The following AP5Z1 variants were observed in gnomAD, a reference collection of about 807,000 sequenced individuals.
AP5Z1 encodes adaptor related protein complex 5 subunit zeta 1.
AP5Z1 carries 106 observed loss-of-function variants against 83.0 expected under a neutral mutation model. The ratio of observed to expected loss-of-function variants is 1.28; its 90% CI spans 1.09 to 1.50. AP5Z1 has a LOEUF of 1.50. Ranked by LOEUF, AP5Z1 falls within the 40% of genes most tolerant of loss-of-function variation. The pLI, the probability that AP5Z1 is intolerant of heterozygous loss-of-function variation, is 0.00. For missense variants in AP5Z1, 1,565 were observed against 1,094.2 expected, an observed-to-expected ratio of 1.43 and a Z score of -6.07; for synonymous variants, 751 against 514.1, an observed-to-expected ratio of 1.46 and a Z score of -6.23.
chr7:4,783,196 C>T, intron 3 of AP5Z1, 120 bp from the exon 4 acceptor site: 3 of 1,418,134 alleles, frequency 2.1e-6, no homozygotes, highest in African/African-American at 1.4e-5. Context: ...TCCCTGCCAC[C>T]TGCTAGGCCG....
At chr7:4,789,266 TCCATCCAACTGCCCCAGCAGGCC>T (rs1452933044) in intron 13 of AP5Z1, among the ~76,000 whole-genome samples, 15 of 149,674 alleles carry the variant, frequency 1.0e-4, no homozygotes, top group Non-Finnish European at 1.6e-4. Flanking sequence ...CCCAGCAGGC[TCCATCCAACTGCCCCAGCAGGCC>T]CTGTCTTCCG....
chr7:4,785,490 T>C (rs773202213), intron 8 of AP5Z1, 32 bp from the exon 9 acceptor site: 81 of 1,613,142 alleles, frequency 5.0e-5, no homozygotes, highest in Non-Finnish European at 6.4e-5. Flanking sequence ...AGGCAGCGAC[T>C]CGGCCCATTT....
chr7:4,782,706 G>C lies in AP5Z1; in HGVS notation c.367-610G>C, dbSNP rs569153185. The stretch of plus-strand genomic sequence containing the variant: ...CCTCCGAGATGACCCCGGTAATGCT[G>C]TGGTAGCTCCTGGCCTTTGGAACAA... On this transcript the variant is annotated intron_variant, in intron 3 of 16. Coordinates refer to ENST00000649063, the MANE Select transcript of AP5Z1 (RefSeq NM_014855.3). Among the ~76,000 whole-genome samples the C allele has an allele frequency of 7.6e-4, 116 of 152,226 alleles. 6 individuals carry two copies. The South Asian group carries it at 0.022, about 29-fold the overall frequency.
intron 12 of AP5Z1, 85 bp downstream of exon 12, chr7:4,788,379 A>AG: frequency 7.0e-7 from 1 of 1,422,094 alleles, no homozygotes; most frequent in Non-Finnish European, 9.3e-7. Context: ...GCTCAGCCCT[A>AG]GGCTGAGGCC....
intron 3 of AP5Z1, 61 bp downstream of exon 3, chr7:4,781,815 G>T: frequency 6.9e-7 from 1 of 1,458,700 alleles, no homozygotes; most frequent in Non-Finnish European, 9.1e-7. Flanking sequence ...GAACAGGGGA[G>T]ACAGGAAGCA....
Position 4,775,713 on chromosome 7 carries a change from G to T in AP5Z1, c.-3G>T. The stretch of plus-strand genomic sequence containing the variant: ...TTCGTGCGCGTCTGGTGGCGGCGGC[G>T]TGATGTTCTCGGCAGGAGCGGAGAG... On this transcript the variant is annotated 5_prime_UTR_variant, in exon 1 of 17. Transcript: ENST00000649063. The T allele has an allele frequency of 6.2e-7, 1 of 1,607,040 alleles. No individual in the cohort carries two copies.
Position 4,786,374 on chromosome 7 carries a change from C to T in AP5Z1, c.1257C>T (p.His419=), listed in dbSNP as rs374726107. The T allele has an allele frequency of 6.2e-7, 1 of 1,613,976 alleles. No individual in the cohort carries two copies. The highest frequency in any genetic ancestry group is 8.5e-7 in the Non-Finnish European group (1 of 1,179,872). The change falls in exon 10 of 17, where the codon CAC becomes CAT. Residue 419 remains histidine, a synonymous_variant. Transcript: ENST00000649063. ...TCCAGTTCTGCAGGGACAACCTCCA[C>T]CTGTTCAGCGGGCACCTCAGCACCC... The part of the protein sequence containing the change: ...EFIQFCRDNL[H]LFSGHLSTLR...
chr7:4,785,551 C>T lies in AP5Z1; in HGVS notation c.999C>T (p.Asp333=), dbSNP rs201196622. Residue 333 remains aspartate (D), a synonymous_variant, in exon 9 of 17, where the codon GAC becomes GAT. Transcript: ENST00000649063. ...TGGTGGAGGCCGTGCTGGTGCTGGA[C>T]GTGCTGTGCCGGCAGGACCCGTCCT... is the stretch of plus-strand genomic sequence containing the variant. The part of the protein sequence containing the change: ...ACLVEAVLVL[D]VLCRQDPSFL... The T allele has an allele frequency of 1.0e-3, 1,666 of 1,612,078 alleles. 3 individuals carry two copies. The highest frequency in any genetic ancestry group is 1.3e-3 in the Non-Finnish European group (1,485 of 1,179,476).
chr7:4,787,813 A>C (rs2115118879), intron 11 of AP5Z1, 37 bp downstream of exon 11: 1 of 1,503,538 alleles, frequency 6.7e-7, no homozygotes. Flanking sequence ...TGCGTCTCCC[A>C]GCCAGCTGGT....
At chr7:4,785,762 T>G (rs1209218174) in intron 9 of AP5Z1, 78 bp downstream of exon 9, 186 of 364,338 alleles carry the variant, frequency 5.1e-4, no homozygotes, top group African/African-American at 4.6e-3. Context: ...CTTCTTCCCT[T>G]TTTTTTTTTT....
Position 4,791,310 on chromosome 7 carries a change from C to A in AP5Z1, c.2349C>A (p.Ala783=). 2 of 1,612,132 alleles carry A rather than the reference C, an allele frequency of 1.2e-6. No homozygotes were observed. The highest frequency in any genetic ancestry group is 1.7e-6 in the Non-Finnish European group (2 of 1,179,678). The part of the protein sequence containing the change: ...EVCSPRYHRD[A]NTALPLALRT... Reference sequence around the variant, plus strand: ...GCAGCCCCCGCTATCACCGCGATGCCAACACGGCCCTGCCCCTGGCCCTGC... The same window carrying A: ...GCAGCCCCCGCTATCACCGCGATGCAAACACGGCCCTGCCCCTGGCCCTGC... Residue 783 remains alanine, a synonymous_variant, in exon 17 of 17, where the codon GCC becomes GCA. Coordinates refer to ENST00000649063, the MANE Select transcript of AP5Z1 (RefSeq NM_014855.3).
intron 1 of AP5Z1, among the ~76,000 whole-genome samples, chr7:4,778,080 C>T (rs891555845): frequency 1.3e-5 from 2 of 152,128 alleles, no homozygotes; most frequent in South Asian, 4.1e-4. Flanking sequence ...AAAAACTTAG[C>T]CAGGTGTGGT....
At chr7:4,790,007 C>T in intron 14 of AP5Z1, 78 bp downstream of exon 14, 2 of 1,142,442 alleles carry the variant, frequency 1.8e-6, no homozygotes, top group Non-Finnish European at 2.4e-6. Context: ...TCCCCCCTCC[C>T]CTTCAGTGGC....
At chr7:4,785,080 C>A in intron 7 of AP5Z1, 32 bp downstream of exon 7, 1 of 1,562,426 alleles carries the variant, frequency 6.4e-7, no homozygotes, top group South Asian at 1.2e-5. Context: ...CTGGCCTCCC[C>A]AGGGCTCGAC....
chr7:4,790,658 T>C lies in AP5Z1; in HGVS notation c.1939-15T>C. ...GAGGCCTGGGTGGGGGCTGAATCTC[T>C]GTCCCCGGGCCTAGGTGTGGGCCAT... On this transcript the variant is annotated splice_polypyrimidine_tract_variant and intron_variant, in intron 15 of 16. Coordinates refer to ENST00000649063, the MANE Select transcript of AP5Z1 (RefSeq NM_014855.3). 1.2e-6 allele frequency: 2 copies of C among 1,612,070 alleles called. No homozygotes were observed. Among genetic ancestry groups the C allele is most frequent in the South Asian group, 1.1e-5 (1 of 91,052 alleles).
rs2115111987 is a variant in AP5Z1, at chr7:4,785,068, C to T, written c.931+20C>T. The T allele has an allele frequency of 1.9e-6, 3 of 1,579,598 alleles. No homozygotes were observed. The highest frequency in any genetic ancestry group is 1.2e-5 in the South Asian group (1 of 86,628). On this transcript the variant is annotated intron_variant, in intron 7 of 16. Transcript: ENST00000649063. ...ACCGACGTGAGTCCCCCACCCAGGG[C>T]ACTGGCCTCCCCAGGGCTCGACGCA...
Position 4,791,465 on chromosome 7 carries a change from T to C in AP5Z1, c.*80T>C. On this transcript the variant is annotated 3_prime_UTR_variant, in exon 17 of 17. Transcript: ENST00000649063. Reference sequence around the variant, plus strand: ...CTACTGAGGCCAGGCTGATAGGAGCTCAGGAGGGCGCGGGAGTCCTGGGAG... The same window carrying C: ...CTACTGAGGCCAGGCTGATAGGAGCCCAGGAGGGCGCGGGAGTCCTGGGAG... The C allele has an allele frequency of 1.3e-6, 2 of 1,489,770 alleles. No homozygotes were observed. The highest frequency in any genetic ancestry group is 1.8e-6 in the Non-Finnish European group (2 of 1,113,320). The allele number at this position is 1,489,770 out of a possible 1,614,324, so 92.3% of individuals were successfully genotyped here. A position where few individuals can be genotyped will look rare whatever the true frequency, so the allele number is the denominator to read the frequency against.
chr7:4,779,405 T>A (rs1057139704), intron 1 of AP5Z1, among the ~76,000 whole-genome samples: 3 of 146,552 alleles, frequency 2.0e-5, no homozygotes, highest in Non-Finnish European at 3.0e-5. Context: ...ATATATCATA[T>A]ATAACATGAT....
At position 4,792,924 on chromosome 7, in the gene AP5Z1, C is replaced by G. The variant is rs1053017292; in HGVS notation, c.*1539C>G. 1.3e-5 allele frequency: 2 copies of G among 155,204 alleles called. No individual in the cohort carries two copies. Among genetic ancestry groups the G allele is most frequent in the Admixed American group, 6.3e-5 (1 of 15,764 alleles). 9.6% of individuals were successfully genotyped at this position (155,204 alleles called of 1,614,324 possible). On this transcript the variant is annotated 3_prime_UTR_variant, in exon 17 of 17. Coordinates refer to ENST00000649063, the MANE Select transcript of AP5Z1 (RefSeq NM_014855.3). ...GAGAGCGTGGGGCTGCCCCTAGGCT[C>G]GGAATGAGTCTCCCACTGAGTCCGC...
Sources: gnomAD v4.1 joint callset for allele counts (sites outside exome capture counted in the v4.1 genomes callset) on GRCh38, gnomAD v4.1.1 for gene constraint, MANE v1.5 for transcripts, NCBI Gene and HGNC (gene_info 2026-07-23, HGNC 2026-07-21) for gene names.